TMEM232: variants seen among roughly 807,000 people sequenced by gnomAD.
TMEM232 encodes the protein transmembrane protein 232.
Under a neutral mutation model 78.8 loss-of-function variants are expected in TMEM232, and 80 were observed. The ratio of observed to expected loss-of-function variants is 1.01; its 90% CI spans 0.85 to 1.22. The LOEUF is 1.22. TMEM232 is among the 50% of genes most tolerant of loss of function. The probability of loss-of-function intolerance (pLI) is 0.00; values close to 1 mark genes in which losing one functional copy is unlikely to be tolerated. For missense variants in TMEM232, 881 were observed against 742.2 expected, an observed-to-expected ratio of 1.19 and a Z score of -2.17; for synonymous variants, 297 against 254.3, an observed-to-expected ratio of 1.17 and a Z score of -1.60.
rs1771000018 is a variant in TMEM232, at chr5:110,528,840, T to G, written c.1456-5A>C. On this transcript the variant is annotated splice_polypyrimidine_tract_variant and splice_region_variant and intron_variant, in intron 11 of 13. Transcript: ENST00000455884. ...AGTTGGGTCATTTAACTCAGCCTGTTGAAAGAAAAGAGAAAGGAATCAGTT... is the reference window on the plus strand; with the variant it reads ...AGTTGGGTCATTTAACTCAGCCTGTGGAAAGAAAAGAGAAAGGAATCAGTT... 2.1e-6 allele frequency: 3 copies of G among 1,418,298 alleles called. No individual in the cohort carries two copies. The highest frequency in any genetic ancestry group is 2.8e-6 in the Non-Finnish European group (3 of 1,084,704). The allele number at this position is 1,418,298 out of a possible 1,614,324, so 87.9% of individuals were successfully genotyped here.
upstream of TMEM232, among the ~76,000 whole-genome samples, chr5:110,738,469 T>G (rs1483858824): frequency 6.6e-6 from 1 of 152,208 alleles, no homozygotes; most frequent in Non-Finnish European, 1.5e-5. Flanking sequence ...ACCCCCGACG[T>G]GCACTTCAAC....
intron 12 of TMEM232, among the ~76,000 whole-genome samples, chr5:110,498,188 T>A (rs2149436156): frequency 6.6e-6 from 1 of 152,258 alleles, no homozygotes; most frequent in Non-Finnish European, 1.5e-5. Flanking sequence ...GAACTTTGTA[T>A]TAAAGTTCAA....
chr5:110,408,957 C>T (rs928827051), intron 2 of TMEM232, among the ~76,000 whole-genome samples: 1 of 152,012 alleles, frequency 6.6e-6, no homozygotes, highest in Non-Finnish European at 1.5e-5. Flanking sequence ...CCAGTTGAAC[C>T]CCAGCTTACC....
intron 2 of TMEM232, among the ~76,000 whole-genome samples, chr5:110,661,533 A>G (rs2150105521): frequency 6.6e-6 from 1 of 152,192 alleles, no homozygotes; most frequent in Middle Eastern, 3.4e-3. Context: ...GCTGGTCTCA[A>G]ACTCCTGGGC....
At chr5:110,586,727 A>G (rs1408399693) in intron 10 of TMEM232, among the ~76,000 whole-genome samples, 1 of 152,088 alleles carries the variant, frequency 6.6e-6, no homozygotes, top group Non-Finnish European at 1.5e-5. Flanking sequence ...GTAACACAAA[A>G]CAGCACAGCA....
Position 110,394,306 on chromosome 5 carries a change from G to T in TMEM232, n.390+3467C>A, listed in dbSNP as rs370241426. ...ATCTCATTCTTTTTATGTCTACATG[G>T]TACTCCATTGTGTATATGCACCAAG... On this transcript the variant is annotated intron_variant and non_coding_transcript_variant, in intron 3 of 8. Transcript: ENST00000507188. 2.6e-4 allele frequency among the ~76,000 whole-genome samples: 39 copies of T among 152,214 alleles called. 1 individual carries two copies. In the East Asian group the frequency reaches 3.7e-3, roughly 14 times the overall value.
chr5:110,497,269 A>G (rs188226522), intron 12 of TMEM232, among the ~76,000 whole-genome samples: 3 of 152,144 alleles, frequency 2.0e-5, no homozygotes, highest in Non-Finnish European at 4.4e-5. Flanking sequence ...CAATAAAATT[A>G]CATGATAAAA....
At chr5:110,455,544 A>AT (rs1170358572) in intron 12 of TMEM232, among the ~76,000 whole-genome samples, 3 of 151,690 alleles carry the variant, frequency 2.0e-5, no homozygotes, top group Admixed American at 2.0e-4. Flanking sequence ...CGCCCGGCTA[A>AT]TTTTTTTGTA....
intron 2 of TMEM232, among the ~76,000 whole-genome samples, chr5:110,408,649 A>G (rs1239953794): frequency 6.6e-6 from 1 of 152,134 alleles, no homozygotes; most frequent in East Asian, 1.9e-4. Flanking sequence ...AAGTTTGTTT[A>G]TTAAAAATAT....
chr5:110,651,914 C>A (rs1788365547), intron 2 of TMEM232, among the ~76,000 whole-genome samples: 1 of 152,198 alleles, frequency 6.6e-6, no homozygotes, highest in East Asian at 1.9e-4. Context: ...GCCTTATATT[C>A]CCTGATGTAA....
chr5:110,424,929 A>C lies in TMEM232; in HGVS notation c.1704-13T>G. On this transcript the variant is annotated splice_polypyrimidine_tract_variant and intron_variant, in intron 12 of 13. Coordinates refer to ENST00000455884, the MANE Select transcript of TMEM232 (RefSeq NM_001039763.4). ...AGAAGGATGTTCCCTTCAAAAGAGC[A>C]CAAGAACAAATCCAACATTAGGTAT... The C allele has an allele frequency of 6.5e-7, 1 of 1,534,680 alleles. No homozygotes were observed. Among genetic ancestry groups the C allele is most frequent in the Non-Finnish European group, 8.8e-7 (1 of 1,134,438 alleles).
intron 2 of TMEM232, among the ~76,000 whole-genome samples, chr5:110,400,071 G>A (rs1222203841): frequency 3.9e-5 from 6 of 152,094 alleles, no homozygotes; most frequent in Admixed American, 6.6e-5. Context: ...ACGGCCTATG[G>A]CCTGCTTTCC....
rs753253392 is a variant in TMEM232, at chr5:110,632,747, G to A, written c.502-4867C>T. On this transcript the variant is annotated intron_variant, in intron 5 of 13. Coordinates refer to ENST00000455884, the MANE Select transcript of TMEM232 (RefSeq NM_001039763.4). ...AAAAGAAAAAAAACAAAGTCTCTGT[G>A]ATATGTGTGACATGATAAAGTGACC... Among the ~76,000 whole-genome samples the A allele has an allele frequency of 1.5e-4, 23 of 152,104 alleles. 1 individual carries two copies. The highest frequency in any genetic ancestry group is 2.9e-4 in the Non-Finnish European group (20 of 68,014).
rs191546289 is a variant in TMEM232, at chr5:110,481,525, C to T, written c.1703+47063G>A. On this transcript the variant is annotated intron_variant, in intron 12 of 13. Transcript: ENST00000455884. Reference sequence around the variant, plus strand: ...CCTGAAAATAAGTACCTCTCCCCTCCGCACACACACATAAACCACAAATAT... The same window carrying T: ...CCTGAAAATAAGTACCTCTCCCCTCTGCACACACACATAAACCACAAATAT... Among the ~76,000 whole-genome samples, 13 of 152,158 alleles carry T rather than the reference C, an allele frequency of 8.5e-5. No homozygotes were observed. The East Asian group carries it at 1.9e-3, about 23-fold the overall frequency.
chr5:110,465,584 T>C (rs962682407), intron 12 of TMEM232, among the ~76,000 whole-genome samples: 11 of 152,232 alleles, frequency 7.2e-5, no homozygotes, highest in Admixed American at 2.0e-4. Flanking sequence ...GGTATATAAA[T>C]AGACATTTAA....
chr5:110,559,911 CCA>C (rs1775548063), intron 11 of TMEM232, among the ~76,000 whole-genome samples: 1 of 152,104 alleles, frequency 6.6e-6, no homozygotes, highest in Non-Finnish European at 1.5e-5. Context: ...ATGAATCACT[CCA>C]GTCTTTACCT....
At chr5:110,737,195 T>C (rs1799266078) in intron 1 of TMEM232, among the ~76,000 whole-genome samples, 1 of 152,176 alleles carries the variant, frequency 6.6e-6, no homozygotes, top group Admixed American at 6.5e-5. Context: ...TTGCTTAAAA[T>C]AGTATCTGAC....
At position 110,421,527 on chromosome 5, in the gene TMEM232, G is replaced by A. The variant is rs898492444; in HGVS notation, c.1798-771C>T. Among the ~76,000 whole-genome samples the A allele has an allele frequency of 5.3e-5, 8 of 152,058 alleles. No individual in the cohort carries two copies. In the South Asian group the frequency reaches 1.5e-3, roughly 28 times the overall value. On this transcript the variant is annotated intron_variant, in intron 13 of 13. Coordinates refer to ENST00000455884, the MANE Select transcript of TMEM232 (RefSeq NM_001039763.4). ...CTTTATGTTGGGTAAAACATTCAGG[G>A]CAGAATGACTCCTAGTATGCAATAT...
intron 11 of TMEM232, among the ~76,000 whole-genome samples, chr5:110,541,725 C>A (rs111271305): frequency 1.3e-5 from 2 of 152,050 alleles, no homozygotes; most frequent in African/African-American, 2.4e-5. Flanking sequence ...TCCATAATAC[C>A]CCTAGAGCAA....
Sources: gnomAD v4.1 joint callset for allele counts (sites outside exome capture counted in the v4.1 genomes callset) on GRCh38, gnomAD v4.1.1 for gene constraint, MANE v1.5 for transcripts, NCBI Gene and HGNC (gene_info 2026-07-23, HGNC 2026-07-21) for gene names.